The following DCUN1D2 variants were observed in gnomAD, a reference collection of about 807,000 sequenced individuals.
The protein encoded by DCUN1D2 is DCN1-like protein 2.
Under a neutral mutation model 30.9 loss-of-function variants are expected in DCUN1D2, and 29 were observed. That is an observed-to-expected ratio of 0.94 (90% CI 0.70 to 1.28). The LOEUF is 1.28. Ranked by LOEUF, DCUN1D2 falls within the 50% of genes most tolerant of loss-of-function variation. The pLI, the probability that DCUN1D2 is intolerant of heterozygous loss-of-function variation, is 0.00. For synonymous variants in DCUN1D2, 121 were observed against 115.3 expected, an observed-to-expected ratio of 1.05 and a Z score of -0.32; for missense variants, 325 against 316.9, an observed-to-expected ratio of 1.03 and a Z score of -0.19.
intron 1 of DCUN1D2, among the ~76,000 whole-genome samples, chr13:113,486,608 G>A (rs1267301531): frequency 6.6e-6 from 1 of 152,244 alleles, no homozygotes; most frequent in African/African-American, 2.4e-5. Context: ...CTCAAACAAT[G>A]AGTGTTGAGC....
Position 113,460,961 on chromosome 13 carries a change from G to A in DCUN1D2, c.603+93C>T, listed in dbSNP as rs1206289979. 13 of 749,988 alleles carry A rather than the reference G, an allele frequency of 1.7e-5. No individual in the cohort carries two copies. In the Admixed American group the frequency reaches 2.0e-4, roughly 11 times the overall value. The allele number at this position is 749,988 out of a possible 1,614,324, so 46.5% of individuals were successfully genotyped here. ...ATGTTCATCTGCTGAAAACCTCCAC[G>A]TGTGAGACCTGAGGTGGATGATTAC... On this transcript the variant is annotated intron_variant, in intron 5 of 6. Coordinates refer to ENST00000478244, the MANE Select transcript of DCUN1D2 (RefSeq NM_001014283.2).
chr13:113,469,793 C>T (rs556731380), intron 4 of DCUN1D2, among the ~76,000 whole-genome samples: 5 of 152,248 alleles, frequency 3.3e-5, no homozygotes, highest in Middle Eastern at 3.4e-3. Context: ...GAGCTATGAT[C>T]GCGCCACTCC....
chr13:113,463,775 CAGACACACACAG>C (rs751853287), intron 4 of DCUN1D2, among the ~76,000 whole-genome samples: 31 of 146,312 alleles, frequency 2.1e-4, no homozygotes, highest in Middle Eastern at 3.8e-3. Flanking sequence ...CAGACACACA[CAGACACACACAG>C]AGACACACAG....
chr13:113,476,517 C>T (rs1484990090), intron 3 of DCUN1D2, among the ~76,000 whole-genome samples: 1 of 152,094 alleles, frequency 6.6e-6, no homozygotes, highest in East Asian at 1.9e-4. Flanking sequence ...ATGTCTTTTT[C>T]TTATTGTTTT....
At chr13:113,465,657 C>G (rs1735334558) in intron 4 of DCUN1D2, among the ~76,000 whole-genome samples, 1 of 149,752 alleles carries the variant, frequency 6.7e-6, no homozygotes, top group Non-Finnish European at 1.5e-5. Flanking sequence ...TCATTATTCT[C>G]TTGTCTATTT....
chr13:113,459,710 T>G (rs2044287596), intron 5 of DCUN1D2, among the ~76,000 whole-genome samples: 1 of 152,240 alleles, frequency 6.6e-6, no homozygotes, highest in Non-Finnish European at 1.5e-5. Context: ...ATTAGCTGCA[T>G]GTATATATAT....
intron 4 of DCUN1D2, chr13:113,468,924 G>A (rs1201374071): frequency 6.6e-6 from 1 of 152,194 alleles, no homozygotes; most frequent in Non-Finnish European, 1.5e-5. Flanking sequence ...AGAACAGGAG[G>A]GCCTCAGAGG....
chr13:113,489,535 C>T (rs980082142), intron 1 of DCUN1D2, among the ~76,000 whole-genome samples: 3 of 152,256 alleles, frequency 2.0e-5, no homozygotes, highest in South Asian at 4.1e-4. Context: ...CCTGGTTTCT[C>T]CTACCAGCCC....
chr13:113,469,907 G>A (rs2044473288), intron 4 of DCUN1D2, among the ~76,000 whole-genome samples: 1 of 151,944 alleles, frequency 6.6e-6, no homozygotes, highest in Non-Finnish European at 1.5e-5. Flanking sequence ...AGGACATTAA[G>A]AAATGAAACA....
chr13:113,459,160 C>T, intron 6 of DCUN1D2, 152 bp downstream of exon 6: 8 of 536,628 alleles, frequency 1.5e-5, no homozygotes, highest in Non-Finnish European at 2.4e-5. Context: ...CCCTATTTTT[C>T]TTTTGTATGA....
intron 4 of DCUN1D2, among the ~76,000 whole-genome samples, chr13:113,462,188 G>A (rs1240909316): frequency 6.6e-6 from 1 of 151,326 alleles, no homozygotes; most frequent in Admixed American, 6.6e-5. Context: ...GGAGGCGGAG[G>A]TTGTGGTGAG....
chr13:113,461,618 A>G (rs879437106), intron 4 of DCUN1D2, among the ~76,000 whole-genome samples: 2 of 152,238 alleles, frequency 1.3e-5, no homozygotes, highest in African/African-American at 2.4e-5. Flanking sequence ...AAGTAATTAC[A>G]GCGGCCTTAT....
At chr13:113,478,417 C>G (rs1029614343) in intron 3 of DCUN1D2, among the ~76,000 whole-genome samples, 9 of 151,934 alleles carry the variant, frequency 5.9e-5, no homozygotes, top group African/African-American at 1.9e-4. Flanking sequence ...ACCACATTTA[C>G]AAGTCTTTTC....
At chr13:113,483,782 C>T (rs2139740732) in intron 2 of DCUN1D2, 58 bp downstream of exon 2, 2 of 1,539,534 alleles carry the variant, frequency 1.3e-6, no homozygotes, top group Non-Finnish European at 1.8e-6. Flanking sequence ...GGAAGTGCAG[C>T]GCGCAGGCCG....
rs1465648101 is a variant in DCUN1D2 at position 113,483,946 on chromosome 13, G to A, written c.114C>T (p.Asp38=). The A allele has an allele frequency of 6.2e-7, 1 of 1,614,158 alleles. No individual in the cohort carries two copies. Among genetic ancestry groups the A allele is most frequent in the Non-Finnish European group, 8.5e-7 (1 of 1,180,044 alleles). The change falls in exon 2 of 7, where the codon GAC becomes GAT. Residue 38 remains aspartate, a synonymous_variant. Coordinates refer to ENST00000478244, the MANE Select transcript of DCUN1D2 (RefSeq NM_001014283.2). ...TTTGGAAGAAGCTGTCCGTGGCCTC[G>A]TCTAGTCTCCACTCATTCTGCGTTA... ...YCLTQNEWRL[D]EATDSFFQNP...
At chr13:113,477,355 T>G (rs1370104163) in intron 3 of DCUN1D2, among the ~76,000 whole-genome samples, 1 of 152,252 alleles carries the variant, frequency 6.6e-6, no homozygotes, top group East Asian at 1.9e-4. Flanking sequence ...TTCAATCCAA[T>G]TTATTCTAGG....
At chr13:113,480,858 C>G in intron 2 of DCUN1D2, 115 bp from the exon 3 acceptor site, 2 of 992,684 alleles carry the variant, frequency 2.0e-6, no homozygotes, top group Middle Eastern at 3.0e-4. Context: ...AGCGTGTTTC[C>G]AATACATCAA....
rs1283624108 is a variant in DCUN1D2, at chr13:113,468,023, G to A, written c.520+6101C>T. Among the ~76,000 whole-genome samples the A allele has an allele frequency of 2.6e-4, 37 of 141,750 alleles. 1 individual carries two copies. The highest frequency in any genetic ancestry group is 9.3e-4 in the African/African-American group (35 of 37,712). 93.0% of individuals were successfully genotyped at this position (141,750 alleles called of 152,430 possible). A position where few individuals can be genotyped will look rare whatever the true frequency, so the allele number is the denominator to read the frequency against. On this transcript the variant is annotated intron_variant, in intron 4 of 6. Coordinates refer to ENST00000478244, the MANE Select transcript of DCUN1D2 (RefSeq NM_001014283.2). ...CACACCACTGCACTCCAGCCTGGGC[G>A]ACAGAGCGAGGATCCATCTTAAAAA...
intron 2 of DCUN1D2, 119 bp downstream of exon 2, chr13:113,483,721 G>C (rs1475519086): frequency 1.1e-6 from 1 of 928,908 alleles, no homozygotes; most frequent in Non-Finnish European, 1.7e-6. Flanking sequence ...CGCTGAGCGT[G>C]GGGAGGAGAA....
Sources: allele counts gnomAD v4.1 joint callset (sites outside exome capture counted in the v4.1 genomes callset), GRCh38; gene constraint gnomAD v4.1.1; transcripts MANE v1.5; gene names NCBI Gene and HGNC (gene_info 2026-07-23, HGNC 2026-07-21).